The following ANXA13 variants were observed in gnomAD, a reference collection of about 807,000 sequenced individuals.
ANXA13 encodes the protein annexin A13, also known as annexin XIII.
In ANXA13, 36 loss-of-function variants were observed where a neutral mutation model predicts 46.6. The observed-to-expected ratio is 0.77, with a 90% CI of 0.59 to 1.02. ANXA13 has a LOEUF of 1.02. Ranked by LOEUF, ANXA13 falls within the 50% of genes least tolerant of loss-of-function variation. ANXA13 has a pLI of 0.00. For missense variants in ANXA13, 417 were observed against 396.5 expected (o/e 1.05, Z -0.44); for synonymous variants, 163 against 152.9 (o/e 1.07, Z -0.49).
chr8:123,689,032 C>G, intron 8 of ANXA13, 86 bp from the exon 9 acceptor site: 2 of 1,305,656 alleles, frequency 1.5e-6, no homozygotes, highest in Non-Finnish European at 2.2e-6. Flanking sequence ...AAAAAGCACT[C>G]AAGTTTTCCA....
Position 123,698,437 on chromosome 8 carries a change from G to T in ANXA13, c.309C>A (p.Gly103=). The change falls in exon 4 of 11, where the codon GGC becomes GGA. Residue 103 remains glycine, a synonymous_variant. Coordinates refer to ENST00000419625, the MANE Select transcript of ANXA13 (RefSeq NM_004306.4). The part of the protein sequence containing the change: ...RQLQKAMKGL[G]TDESVLIEVL... Reference sequence around the variant, plus strand: ...CCTCAATGAGGACGGACTCATCTGTGCCCAGACCCTTCATAGCCTTCTGCA... The same window carrying T: ...CCTCAATGAGGACGGACTCATCTGTTCCCAGACCCTTCATAGCCTTCTGCA... 4 of 1,614,188 alleles carry T rather than the reference G, an allele frequency of 2.5e-6. No homozygotes were observed. The highest frequency in any genetic ancestry group is 2.5e-6 in the Non-Finnish European group (3 of 1,180,032).
chr8:123,728,271 T>G (rs1191394490), intron 1 of ANXA13: 2 of 152,206 alleles, frequency 1.3e-5, no homozygotes, highest in Admixed American at 6.5e-5. Context: ...TGGAGACCTC[T>G]GAAGAGTGCT....
chr8:123,696,644 C>T (rs891056328), intron 4 of ANXA13, among the ~76,000 whole-genome samples: 1 of 152,084 alleles, frequency 6.6e-6, no homozygotes, highest in Non-Finnish European at 1.5e-5. Flanking sequence ...CGGTGGGGAG[C>T]CTCACTGCTC....
chr8:123,697,016 C>G (rs969352409), intron 4 of ANXA13, among the ~76,000 whole-genome samples: 2 of 152,170 alleles, frequency 1.3e-5, no homozygotes, highest in African/African-American at 4.8e-5. Flanking sequence ...TTCAAGCGAT[C>G]CTCCTGCCTC....
At position 123,698,491 on chromosome 8, in the gene ANXA13, G is replaced by A. The variant is rs1480315284; in HGVS notation, c.255C>T (p.Asp85=). 5 of 1,614,090 alleles carry A rather than the reference G, an allele frequency of 3.1e-6. No individual in the cohort carries two copies. The African/African-American group carries it at 5.3e-5, about 17-fold the overall frequency. Residue 85 remains aspartate (D), a synonymous_variant, in exon 4 of 11, where the codon GAC becomes GAT. Transcript: ENST00000419625. ...NFEKTALALL[D]RPSEYAARQL... Reference sequence around the variant, plus strand: ...GCCGGGCGGCGTACTCGCTGGGACGGTCCAGAAGGGCCAACGCTGTCTTCT... The same window carrying A: ...GCCGGGCGGCGTACTCGCTGGGACGATCCAGAAGGGCCAACGCTGTCTTCT...
intron 1 of ANXA13, among the ~76,000 whole-genome samples, chr8:123,736,209 T>C (rs1040063110): frequency 2.0e-5 from 3 of 152,230 alleles, no homozygotes; most frequent in Non-Finnish European, 2.9e-5. Flanking sequence ...AAAAACCTTA[T>C]AGACAAAGTA....
chr8:123,686,213 C>T (rs1381553042), intron 9 of ANXA13, among the ~76,000 whole-genome samples: 3 of 152,138 alleles, frequency 2.0e-5, no homozygotes, highest in Non-Finnish European at 4.4e-5. Flanking sequence ...TGGCTCACAC[C>T]TGTAATCCCA....
chr8:123,710,638 G>A (rs1053064478), intron 2 of ANXA13, among the ~76,000 whole-genome samples: 1 of 151,760 alleles, frequency 6.6e-6, no homozygotes, highest in African/African-American at 2.4e-5. Context: ...ATGTGGCTGA[G>A]GTGCCCTAGC....
intron 8 of ANXA13, among the ~76,000 whole-genome samples, chr8:123,691,821 C>T (rs1397213262): frequency 1.3e-5 from 2 of 152,188 alleles, no homozygotes; most frequent in African/African-American, 4.8e-5. Flanking sequence ...GCTGATGGTG[C>T]TGTTTCAGGA....
At chr8:123,709,383 ACTCT>A (rs1294982846) in intron 2 of ANXA13, among the ~76,000 whole-genome samples, 2 of 111,244 alleles carry the variant, frequency 1.8e-5, no homozygotes, top group Non-Finnish European at 3.8e-5. Flanking sequence ...TCTCTCCTTC[ACTCT>A]CTCCCTCCCT....
At chr8:123,734,228 C>A (rs1284981781) in intron 1 of ANXA13, among the ~76,000 whole-genome samples, 3 of 152,208 alleles carry the variant, frequency 2.0e-5, no homozygotes, top group Admixed American at 2.0e-4. Context: ...TAGCCACACT[C>A]CCGTGGTAAA....
intron 2 of ANXA13, among the ~76,000 whole-genome samples, chr8:123,707,313 T>C (rs1424039567): frequency 2.0e-5 from 3 of 152,136 alleles, no homozygotes; most frequent in African/African-American, 7.2e-5. Context: ...CAAGGACCAA[T>C]AGAAATCCTC....
At chr8:123,712,854 A>G in intron 1 of ANXA13, 101 bp from the exon 2 acceptor site, 1 of 966,728 alleles carries the variant, frequency 1.0e-6, no homozygotes, top group Non-Finnish European at 1.6e-6. Context: ...AGTCATCCTA[A>G]CCAGGGACCA....
At chr8:123,681,634 T>G (rs940851508) in intron 10 of ANXA13, among the ~76,000 whole-genome samples, 1 of 150,272 alleles carries the variant, frequency 6.7e-6, no homozygotes, top group African/African-American at 2.5e-5. Flanking sequence ...TTTTTTTTTT[T>G]TTTTTTGAGA....
chr8:123,699,241 G>A (rs1813400394), intron 3 of ANXA13, among the ~76,000 whole-genome samples: 1 of 152,172 alleles, frequency 6.6e-6, no homozygotes, highest in Non-Finnish European at 1.5e-5. Context: ...GTGCAGTGGT[G>A]CAATCATGGC....
At chr8:123,705,187 CT>C (rs1470015950) in intron 2 of ANXA13, among the ~76,000 whole-genome samples, 1 of 152,222 alleles carries the variant, frequency 6.6e-6, no homozygotes, top group African/African-American at 2.4e-5. Flanking sequence ...TATGAGACAA[CT>C]CTTTTACCTG....
At chr8:123,710,854 G>A (rs77478995) in intron 2 of ANXA13, among the ~76,000 whole-genome samples, 290 of 152,266 alleles carry the variant, frequency 1.9e-3, no homozygotes, top group African/African-American at 6.8e-3. Flanking sequence ...AAGTTTAACC[G>A]TTTCTCAATA....
chr8:123,716,525 T>C (rs1813761916), intron 1 of ANXA13, among the ~76,000 whole-genome samples: 1 of 152,268 alleles, frequency 6.6e-6, no homozygotes, highest in East Asian at 1.9e-4. Flanking sequence ...TTCAGGCTTG[T>C]TCCTTGTAAC....
intron 1 of ANXA13, among the ~76,000 whole-genome samples, chr8:123,731,362 A>T (rs938075811): frequency 1.4e-4 from 21 of 152,248 alleles, no homozygotes; most frequent in Non-Finnish European, 5.9e-5. Flanking sequence ...CTGGGAATGT[A>T]AATAGATATA....
Sources: allele counts gnomAD v4.1 joint callset (sites outside exome capture counted in the v4.1 genomes callset), GRCh38; gene constraint gnomAD v4.1.1; transcripts MANE v1.5; gene names NCBI Gene and HGNC (gene_info 2026-07-23, HGNC 2026-07-21).